MBOAT2: variants seen among roughly 807,000 people sequenced by gnomAD.
The protein encoded by MBOAT2 is membrane bound glycerophospholipid O-acyltransferase 2, also known as membrane-bound glycerophospholipid O-acyltransferase 2.
MBOAT2 carries 28 observed loss-of-function variants against 63.4 expected under a neutral mutation model. The observed-to-expected ratio is 0.44, with a 90% CI of 0.33 to 0.61. The LOEUF (loss-of-function observed/expected upper bound fraction) is 0.61. Ranked by LOEUF, MBOAT2 falls within the 20% of genes least tolerant of loss-of-function variation. The pLI is 0.03. For synonymous variants in MBOAT2, 211 were observed against 215.6 expected, an observed-to-expected ratio of 0.98 and a Z score of 0.19; for missense variants, 470 against 605.8, an observed-to-expected ratio of 0.78 and a Z score of 2.35.
At chr2:8,897,739 G>A (rs900601038) in intron 4 of MBOAT2, among the ~76,000 whole-genome samples, 1 of 152,190 alleles carries the variant, frequency 6.6e-6, no homozygotes, top group African/African-American at 2.4e-5. Flanking sequence ...ACTTCTAAGA[G>A]GTCATCTTGG....
At chr2:8,967,359 A>G (rs1265971043) in intron 1 of MBOAT2, among the ~76,000 whole-genome samples, 2 of 152,230 alleles carry the variant, frequency 1.3e-5, no homozygotes, top group Admixed American at 1.3e-4. Flanking sequence ...TGTAATAAAT[A>G]GACACAAAAA....
intron 1 of MBOAT2, among the ~76,000 whole-genome samples, chr2:8,996,772 T>C (rs977606983): frequency 2.5e-4 from 38 of 152,356 alleles, no homozygotes; most frequent in Admixed American, 1.0e-3. Context: ...TCTTTGTAAA[T>C]AGCTCTTTAA....
intron 3 of MBOAT2, among the ~76,000 whole-genome samples, chr2:8,929,131 C>A (rs7605705): frequency 0.068 from 10,305 of 152,072 alleles, 375 homozygotes; most frequent in Middle Eastern, 0.099. Flanking sequence ...TTTTTGTATG[C>A]CAGGTGGGGA....
chr2:8,995,303 C>T (rs1672207222), intron 1 of MBOAT2, among the ~76,000 whole-genome samples: 1 of 152,224 alleles, frequency 6.6e-6, no homozygotes, highest in South Asian at 2.1e-4. Flanking sequence ...ACACTTGGCT[C>T]AGGCCTCCCA....
intron 3 of MBOAT2, among the ~76,000 whole-genome samples, chr2:8,924,661 G>A (rs1666815215): frequency 6.7e-6 from 1 of 150,348 alleles, no homozygotes. Flanking sequence ...TTTGTTTACA[G>A]ATGACAAAAA....
chr2:8,864,049 A>C (rs1271689127), intron 10 of MBOAT2, 121 bp downstream of exon 10: 2 of 650,688 alleles, frequency 3.1e-6, no homozygotes, highest in Non-Finnish European at 5.1e-6. Context: ...TTCCCGGCTG[A>C]CACTGAGGTC....
chr2:8,875,019 T>C (rs1309770018), intron 7 of MBOAT2, among the ~76,000 whole-genome samples: 1 of 152,168 alleles, frequency 6.6e-6, no homozygotes, highest in East Asian at 1.9e-4. Flanking sequence ...AAAAACAAAT[T>C]TCCACCTTGT....
rs1003365562 is a variant in MBOAT2 at position 8,862,837 on chromosome 2, A to G, written c.1053-115T>C. 1.1e-5 allele frequency: 14 copies of G among 1,274,148 alleles called. No individual in the cohort carries two copies. Among genetic ancestry groups the G allele is most frequent in the Non-Finnish European group, 1.4e-5 (13 of 944,152 alleles). 78.9% of individuals were successfully genotyped at this position (1,274,148 alleles called of 1,614,324 possible). On this transcript the variant is annotated intron_variant, in intron 10 of 12. Transcript: ENST00000305997. The surrounding 1 kb of genome is among the most constrained non-coding windows in gnomAD (Gnocchi z 4.3). Reference sequence around the variant, plus strand: ...GGATTTAGGGTAACTAGAAAAACAAATACAACTTATCTTAGGCAATCACTT... The same window carrying G: ...GGATTTAGGGTAACTAGAAAAACAAGTACAACTTATCTTAGGCAATCACTT...
At chr2:8,969,736 C>T (rs553320898) in intron 1 of MBOAT2, among the ~76,000 whole-genome samples, 1 of 152,268 alleles carries the variant, frequency 6.6e-6, no homozygotes, top group African/African-American at 2.4e-5. Context: ...TCTGATAAAA[C>T]AGACTTTAAA....
intron 1 of MBOAT2, among the ~76,000 whole-genome samples, chr2:8,982,881 CA>C (rs1255526822): frequency 1.3e-5 from 2 of 152,158 alleles, no homozygotes; most frequent in Non-Finnish European, 2.9e-5. Context: ...ATTACTTTTC[CA>C]TAACCCCTCA....
chr2:8,980,444 C>T (rs936721576), intron 1 of MBOAT2, among the ~76,000 whole-genome samples: 1 of 152,088 alleles, frequency 6.6e-6, no homozygotes, highest in Non-Finnish European at 1.5e-5. Flanking sequence ...TAAGAATAAT[C>T]CCTATCTGCA....
chr2:8,922,505 T>C (rs76613945), intron 3 of MBOAT2, among the ~76,000 whole-genome samples: 3,980 of 152,302 alleles, frequency 0.026, 183 homozygotes, highest in African/African-American at 0.09. Flanking sequence ...ACTGAATCTT[T>C]CTCACTCATG....
At chr2:8,910,092 T>C (rs919582959) in intron 3 of MBOAT2, among the ~76,000 whole-genome samples, 1 of 152,108 alleles carries the variant, frequency 6.6e-6, no homozygotes, top group Non-Finnish European at 1.5e-5. Context: ...TAGAAGTTGG[T>C]TGTTGGGAAG....
At chr2:8,898,068 A>G (rs974956376) in intron 4 of MBOAT2, among the ~76,000 whole-genome samples, 1 of 152,096 alleles carries the variant, frequency 6.6e-6, no homozygotes, top group Non-Finnish European at 1.5e-5. Flanking sequence ...TACTACATCA[A>G]TTTCCTTACT....
Position 8,908,828 on chromosome 2 carries a change from A to T in MBOAT2, c.300-112T>A. 11 of 635,688 alleles carry T rather than the reference A, an allele frequency of 1.7e-5. 1 individual carries two copies. The South Asian group carries it at 2.4e-4, about 14-fold the overall frequency. 39.4% of individuals were successfully genotyped at this position (635,688 alleles called of 1,614,324 possible). On this transcript the variant is annotated intron_variant, in intron 3 of 12. Transcript: ENST00000305997. Reference sequence around the variant, plus strand: ...TATGGTTCAGAAATTAAATATTACTAGATCTACTCTACAAACACCCTTCTT... The same window carrying T: ...TATGGTTCAGAAATTAAATATTACTTGATCTACTCTACAAACACCCTTCTT...
At chr2:8,913,255 C>T (rs1665920313) in intron 3 of MBOAT2, among the ~76,000 whole-genome samples, 1 of 151,976 alleles carries the variant, frequency 6.6e-6, no homozygotes, top group African/African-American at 2.4e-5. Context: ...ATTGGAAAAA[C>T]CCTTCTAGAC....
chr2:8,939,788 A>C (rs1173985580), intron 3 of MBOAT2, among the ~76,000 whole-genome samples: 2 of 152,134 alleles, frequency 1.3e-5, no homozygotes, highest in South Asian at 2.1e-4. Context: ...CTAAAACATC[A>C]CATGATGTCA....
At chr2:8,916,395 T>C (rs190512381) in intron 3 of MBOAT2, among the ~76,000 whole-genome samples, 2 of 152,344 alleles carry the variant, frequency 1.3e-5, no homozygotes, top group Non-Finnish European at 2.9e-5. Context: ...AACATTTTCT[T>C]ATTCATTGCA....
At chr2:8,995,608 T>TG (rs397966438) in intron 1 of MBOAT2, among the ~76,000 whole-genome samples, 8 of 151,008 alleles carry the variant, frequency 5.3e-5, no homozygotes, top group Admixed American at 5.3e-4. Context: ...TTTTTTTTTT[T>TG]GAGACGGAGT....
Sources: allele counts gnomAD v4.1 joint callset (sites outside exome capture counted in the v4.1 genomes callset), GRCh38; gene constraint gnomAD v4.1.1; non-coding constraint Gnocchi (gnomAD v3.1); transcripts MANE v1.5; gene names NCBI Gene and HGNC (gene_info 2026-07-23, HGNC 2026-07-21).